ATG16L1: variants seen among roughly 807,000 people sequenced by gnomAD.
The protein encoded by ATG16L1 is autophagy-related protein 16-1.
ATG16L1 carries 37 observed loss-of-function variants against 88.5 expected under a neutral mutation model. That is an observed-to-expected ratio of 0.42 (90% CI 0.32 to 0.55). The LOEUF is 0.55. ATG16L1 is among the 20% of genes least tolerant of loss of function. The pLI is 0.13. For missense variants in ATG16L1, 554 were observed against 752.8 expected, an observed-to-expected ratio of 0.74 and a Z score of 3.09; for synonymous variants, 301 against 281.0, an observed-to-expected ratio of 1.07 and a Z score of -0.71.
intron 2 of ATG16L1, among the ~76,000 whole-genome samples, chr2:233,257,860 C>T (rs1161491341): frequency 6.6e-6 from 1 of 151,952 alleles, no homozygotes; most frequent in Non-Finnish European, 1.5e-5. Context: ...CAAAAATTAG[C>T]CGGGCATGGT....
chr2:233,263,257 A>G, intron 3 of ATG16L1, 22 bp downstream of exon 3: 1 of 1,600,484 alleles, frequency 6.2e-7, no homozygotes, highest in Non-Finnish European at 8.6e-7. Flanking sequence ...CCTTTTCCTC[A>G]TCTGTCTTCT....
At chr2:233,261,579 A>ACTG (rs1697215471) in intron 2 of ATG16L1, among the ~76,000 whole-genome samples, 1 of 152,152 alleles carries the variant, frequency 6.6e-6, no homozygotes, top group African/African-American at 2.4e-5. Flanking sequence ...AGATGGAAGG[A>ACTG]CTGCTATACT....
At chr2:233,265,581 T>C (rs1296145531) in intron 5 of ATG16L1, among the ~76,000 whole-genome samples, 1 of 152,186 alleles carries the variant, frequency 6.6e-6, no homozygotes, top group African/African-American at 2.4e-5. Context: ...GTGATTCTCC[T>C]GCCTCAGCCT....
In ATG16L1 at chr2:233,284,019, A is replaced by AT. The variant is rs1341674074; in HGVS notation, c.1203+1275dup. 7.9e-3 allele frequency among the ~76,000 whole-genome samples: 855 copies of AT among 108,364 alleles called. 17 individuals are homozygous for AT. Among genetic ancestry groups the AT allele is most frequent in the African/African-American group, 0.03 (827 of 27,922 alleles). The allele number at this position is 108,364 out of a possible 152,430, so 71.1% of individuals were successfully genotyped here. A position where few individuals can be genotyped will look rare whatever the true frequency, so the allele number is the denominator to read the frequency against. On this transcript the variant is annotated intron_variant, in intron 12 of 17. Transcript: ENST00000392017. ...GCCACCACGCCCAGCTAATTTTTGT[A>AT]TTTTTTTTTAGTAGAGATGGGGTTT...
chr2:233,285,370 A>G (rs79454676), intron 12 of ATG16L1, among the ~76,000 whole-genome samples: 2,063 of 152,340 alleles, frequency 0.014, 58 homozygotes, highest in African/African-American at 0.046. Context: ...GGTGGGCATC[A>G]GCCTTTGGGT....
chr2:233,265,562 C>T (rs945950829), intron 5 of ATG16L1, among the ~76,000 whole-genome samples: 8 of 152,098 alleles, frequency 5.3e-5, no homozygotes, highest in Non-Finnish European at 8.8e-5. Context: ...CTCCACCTCC[C>T]GGGGTCAAGT....
intron 1 of ATG16L1, among the ~76,000 whole-genome samples, chr2:233,254,340 C>T (rs1231964749): frequency 6.6e-6 from 1 of 152,194 alleles, no homozygotes; most frequent in Non-Finnish European, 1.5e-5. Context: ...ATGTTAAGAT[C>T]TTCTGTTTAG....
intron 2 of ATG16L1, among the ~76,000 whole-genome samples, chr2:233,257,804 AG>A (rs1291649192): frequency 1.3e-5 from 2 of 152,156 alleles, no homozygotes; most frequent in Non-Finnish European, 2.9e-5. Flanking sequence ...CAGGAGTTCA[AG>A]ACCAGCCTGG....
chr2:233,289,557 T>A (rs796152739), intron 12 of ATG16L1, among the ~76,000 whole-genome samples: 6 of 152,232 alleles, frequency 3.9e-5, no homozygotes, highest in African/African-American at 7.2e-5. Context: ...TGCAAATTTT[T>A]AAAAAAATTT....
chr2:233,253,288 T>G (rs1263111601), intron 1 of ATG16L1, among the ~76,000 whole-genome samples: 1 of 151,338 alleles, frequency 6.6e-6, no homozygotes, highest in African/African-American at 2.4e-5. Context: ...CAAGAGAGAT[T>G]AGGTAACTTC....
chr2:233,278,543 G>C (rs748603306), intron 10 of ATG16L1, among the ~76,000 whole-genome samples: 1 of 152,284 alleles, frequency 6.6e-6, no homozygotes, highest in South Asian at 2.1e-4. Flanking sequence ...CCATTTCACA[G>C]ATAAAGGGAA....
At chr2:233,273,994 G>A (rs958279583) in intron 8 of ATG16L1, 2 of 1,550,936 alleles carry the variant, frequency 1.3e-6, no homozygotes, top group African/African-American at 2.7e-5. Context: ...CCTTTAGTCT[G>A]TCCGAGTCTC....
Position 233,293,314 on chromosome 2 carries a change from G to T in ATG16L1, c.1687G>T (p.Val563Leu), listed in dbSNP as rs772225875. The change falls in exon 17 of 18, where the codon GTG (valine) becomes TTG (leucine). Residue 563 changes from valine (V) to leucine (L), a missense_variant. By Grantham distance (32) the Val-to-Leu change is conservative. This residue lies in a region of ATG16L1 where 370 missense variants were observed against 509.7 expected (regional missense o/e 0.73). Coordinates refer to ENST00000392017, the MANE Select transcript of ATG16L1 (RefSeq NM_030803.7). ...TGAGGGCTCTCTGTATATCTGGAGT[G>T]TGCTCACAGGGAAAGTGGAAAAGGT... ...SAEGSLYIWS[V>L]LTGKVEKVLS... is the part of the protein sequence containing the mutation. 1 of 1,614,210 alleles carries T rather than the reference G, an allele frequency of 6.2e-7. No homozygotes were observed. The highest frequency in any genetic ancestry group is 2.2e-5 in the East Asian group (1 of 44,890).
chr2:233,286,721 G>T (rs575788877), intron 12 of ATG16L1, among the ~76,000 whole-genome samples: 66 of 150,192 alleles, frequency 4.4e-4, no homozygotes, highest in Non-Finnish European at 8.1e-4. Flanking sequence ...TGCCTCCTGG[G>T]TTCACACCAT....
Position 233,290,287 on chromosome 2 carries a change from T to A in ATG16L1, c.1364T>A (p.Ile455Asn). 6.2e-7 allele frequency: 1 copy of A among 1,614,204 alleles called. No individual in the cohort carries two copies. ...TVFAGSSCND[I>N]VCTEQCVMSG... Reference sequence around the variant, plus strand: ...TTTGCAGGATCCAGTTGCAATGATATTGTCTGCACAGAGCAATGTGTAATG... The same window carrying A: ...TTTGCAGGATCCAGTTGCAATGATAATGTCTGCACAGAGCAATGTGTAATG... The change falls in exon 14 of 18, where the codon ATT becomes AAT. Residue 455 changes from isoleucine (I) to asparagine (N), a missense_variant. By Grantham distance (149) the Ile-to-Asn change is moderately radical (BLOSUM62 -3). Coordinates refer to ENST00000392017, the MANE Select transcript of ATG16L1 (RefSeq NM_030803.7).
At chr2:233,266,654 A>G (rs551726702) in intron 5 of ATG16L1, among the ~76,000 whole-genome samples, 23 of 152,354 alleles carry the variant, frequency 1.5e-4, no homozygotes, top group African/African-American at 5.5e-4. Context: ...AAGTTAGCAT[A>G]TCAAAGAGAT....
rs1431256321 is a variant in ATG16L1, at chr2:233,293,285, C to G, written c.1658C>G (p.Ser553Cys). The change falls in exon 17 of 18, where the codon TCT becomes TGT. Residue 553 changes from serine to cysteine, a missense_variant. Around this residue, in one of 5 missense-constraint regions of ATG16L1, gnomAD observed 370 missense variants for 509.7 expected, o/e 0.73. Coordinates refer to ENST00000392017, the MANE Select transcript of ATG16L1 (RefSeq NM_030803.7). ...GATGGCAGTTACGTGGCGGCAGGCTCTGCTGAGGGCTCTCTGTATATCTGG... is the reference window on the plus strand; with the variant it reads ...GATGGCAGTTACGTGGCGGCAGGCTGTGCTGAGGGCTCTCTGTATATCTGG... ...SPDGSYVAAG[S>C]AEGSLYIWSV... 1.2e-6 allele frequency: 2 copies of G among 1,614,194 alleles called. No homozygotes were observed. The highest frequency in any genetic ancestry group is 2.2e-5 in the South Asian group (2 of 91,082).
chr2:233,289,757 C>A, intron 12 of ATG16L1, 97 bp from the exon 13 acceptor site: 1 of 1,523,710 alleles, frequency 6.6e-7, no homozygotes, highest in South Asian at 1.1e-5. Flanking sequence ...GGTGGTCTGA[C>A]ACTCTGACTC....
At chr2:233,263,099 T>C in intron 2 of ATG16L1, 31 bp from the exon 3 acceptor site, 1 of 1,595,758 alleles carries the variant, frequency 6.3e-7, no homozygotes, top group Non-Finnish European at 8.6e-7. Flanking sequence ...TTTTTGCACA[T>C]TCTCTTCATC....
Sources: gnomAD v4.1 joint callset for allele counts (sites outside exome capture counted in the v4.1 genomes callset) on GRCh38, gnomAD v4.1.1 for gene constraint, gnomAD v4.1.1 regional missense constraint, MANE v1.5 for transcripts, NCBI Gene and HGNC (gene_info 2026-07-23, HGNC 2026-07-21) for gene names.